The following HSD17B4 variants were observed in gnomAD, a reference collection of about 807,000 sequenced individuals.
HSD17B4 encodes the protein hydroxysteroid 17-beta dehydrogenase 4, also known as peroxisomal multifunctional enzyme type 2.
Under a neutral mutation model 101.0 loss-of-function variants are expected in HSD17B4, and 70 were observed. That is an observed-to-expected ratio of 0.69 (90% confidence interval 0.57 to 0.85). HSD17B4 has a LOEUF of 0.85. Among genes scored for constraint, HSD17B4 ranks in the 40% least tolerant of loss-of-function variants. The probability of loss-of-function intolerance (pLI) is 0.00; values close to 1 mark genes in which losing one functional copy is unlikely to be tolerated. For missense variants in HSD17B4, 984 were observed against 892.4 expected (o/e 1.10, Z -1.31); for synonymous variants, 347 against 297.1 (o/e 1.17, Z -1.73).
At chr5:119,526,983 T>A (rs1256783379) in intron 19 of HSD17B4, 150 bp from the exon 20 acceptor site, 1 of 618,132 alleles carries the variant, frequency 1.6e-6, no homozygotes, top group Non-Finnish European at 2.9e-6. Flanking sequence ...TTTTATCATA[T>A]TATACTTAGG....
chr5:119,456,015 CCTT>C (rs1161959402), intron 1 of HSD17B4, among the ~76,000 whole-genome samples: 1 of 152,146 alleles, frequency 6.6e-6, no homozygotes, highest in African/African-American at 2.4e-5. Flanking sequence ...CTCACTTACA[CCTT>C]CTAAGTTTTA....
At chr5:119,486,118 A>G (rs1368905327) in intron 8 of HSD17B4, among the ~76,000 whole-genome samples, 6 of 152,118 alleles carry the variant, frequency 3.9e-5, no homozygotes, top group African/African-American at 1.4e-4. Flanking sequence ...TTTCCATAGG[A>G]CTGCTCTTGA....
At chr5:119,531,192 C>A in intron 21 of HSD17B4, 74 bp from the exon 22 acceptor site, 1 of 1,470,292 alleles carries the variant, frequency 6.8e-7, no homozygotes, top group Non-Finnish European at 9.5e-7. Flanking sequence ...TTTTTTTGCA[C>A]ATGTTTTATA....
chr5:119,530,577 G>T (rs1268126209), intron 21 of HSD17B4, among the ~76,000 whole-genome samples: 1 of 151,328 alleles, frequency 6.6e-6, no homozygotes, highest in African/African-American at 2.4e-5. Context: ...CTTAGAGCGG[G>T]CTCGGTGCCT....
intron 17 of HSD17B4, among the ~76,000 whole-genome samples, chr5:119,520,219 G>T (rs183237766): frequency 1.8e-4 from 27 of 151,310 alleles, no homozygotes; most frequent in East Asian, 1.9e-4. Flanking sequence ...TGATCTTTCT[G>T]CTACAAATGG....
chr5:119,463,076 A>G (rs114162973), intron 2 of HSD17B4, among the ~76,000 whole-genome samples: 2,122 of 152,296 alleles, frequency 0.014, 19 homozygotes, highest in Non-Finnish European at 0.025. Flanking sequence ...CAACTTATTT[A>G]GCTTCCACAT....
At chr5:119,508,102 C>T (rs1010468082) in intron 15 of HSD17B4, among the ~76,000 whole-genome samples, 1 of 151,152 alleles carries the variant, frequency 6.6e-6, no homozygotes, top group Admixed American at 6.6e-5. Flanking sequence ...CCTTCTCCTC[C>T]TTTTCCTCTT....
intron 11 of HSD17B4, among the ~76,000 whole-genome samples, chr5:119,495,420 T>A (rs1052812509): frequency 6.6e-6 from 1 of 152,204 alleles, no homozygotes; most frequent in Non-Finnish European, 1.5e-5. Context: ...CCAGAGCATC[T>A]CTTCTACTGT....
intron 17 of HSD17B4, among the ~76,000 whole-genome samples, chr5:119,520,210 G>A (rs1561481383): frequency 6.6e-6 from 1 of 151,766 alleles, no homozygotes; most frequent in African/African-American, 2.4e-5. Flanking sequence ...TTGACTGGGT[G>A]ATCTTTCTGC....
In HSD17B4 at chr5:119,493,747, G is replaced by A. The variant is rs544683778; in HGVS notation, c.740-71G>A. 30 of 1,362,698 alleles carry A rather than the reference G, an allele frequency of 2.2e-5. No homozygotes were observed. In the South Asian group the frequency reaches 3.3e-4, roughly 15 times the overall value. 84.4% of individuals were successfully genotyped at this position (1,362,698 alleles called of 1,614,324 possible). On this transcript the variant is annotated intron_variant, in intron 10 of 23. Transcript: ENST00000510025. ...ATTTCCTTTCTCTTTAAAAATGAAA[G>A]GGTTCTTATGCATCTTACTTTCTGT...
intron 8 of HSD17B4, among the ~76,000 whole-genome samples, chr5:119,483,571 T>G (rs1287912500): frequency 6.6e-6 from 1 of 152,172 alleles, no homozygotes; most frequent in Non-Finnish European, 1.5e-5. Flanking sequence ...CTTATTCATG[T>G]TCCATAATTT....
At chr5:119,499,705 T>G (rs1373363262) in intron 13 of HSD17B4, 152 bp downstream of exon 13, 3 of 439,914 alleles carry the variant, frequency 6.8e-6, no homozygotes. Context: ...TTGATTTTTC[T>G]TTTTAAGAAT....
Position 119,475,747 on chromosome 5 carries a change from T to C in HSD17B4, c.302+20T>C. On this transcript the variant is annotated intron_variant, in intron 5 of 23. Coordinates refer to ENST00000510025, the MANE Select transcript of HSD17B4 (RefSeq NM_000414.4). Reference sequence around the variant, plus strand: ...TGCTGGGTGAGTATTTCTTTTTCATTTTTAGTGATGTGTGTATAATTTTTT... The same window carrying C: ...TGCTGGGTGAGTATTTCTTTTTCATCTTTAGTGATGTGTGTATAATTTTTT... 6.3e-7 allele frequency: 1 copy of C among 1,591,292 alleles called. No homozygotes were observed. Among genetic ancestry groups the C allele is most frequent in the Middle Eastern group, 1.8e-4 (1 of 5,602 alleles).
At chr5:119,497,863 A>G (rs1356272610) in intron 12 of HSD17B4, among the ~76,000 whole-genome samples, 1 of 152,158 alleles carries the variant, frequency 6.6e-6, no homozygotes, top group Non-Finnish European at 1.5e-5. Flanking sequence ...TATGACAAGT[A>G]TCATTTTTTT....
chr5:119,514,896 A>C (rs1328499285), intron 16 of HSD17B4, 85 bp from the exon 17 acceptor site: 3 of 820,344 alleles, frequency 3.7e-6, no homozygotes, highest in African/African-American at 1.7e-5. Flanking sequence ...GTATTGAAAC[A>C]TGATTGTGTA....
intron 14 of HSD17B4, 133 bp from the exon 15 acceptor site, chr5:119,506,685 A>G (rs1279228248): frequency 5.6e-5 from 32 of 567,346 alleles, no homozygotes; most frequent in Non-Finnish European, 5.5e-5. Flanking sequence ...TCTGTTGTTC[A>G]GGAACACTAT....
chr5:119,540,185 C>G (rs1440477857), intron 23 of HSD17B4, among the ~76,000 whole-genome samples: 1 of 152,090 alleles, frequency 6.6e-6, no homozygotes, highest in East Asian at 1.9e-4. Flanking sequence ...TTGCATGGCA[C>G]TCCTAGGCCA....
intron 23 of HSD17B4, among the ~76,000 whole-genome samples, chr5:119,536,958 G>A (rs924003398): frequency 1.3e-5 from 2 of 152,100 alleles, no homozygotes; most frequent in African/African-American, 4.8e-5. Flanking sequence ...GGAAAATCAT[G>A]ATTAACAGAA....
intron 14 of HSD17B4, among the ~76,000 whole-genome samples, chr5:119,505,678 G>T (rs1316041005): frequency 2.0e-5 from 3 of 151,816 alleles, no homozygotes; most frequent in African/African-American, 7.3e-5. Flanking sequence ...GGTATAGAAT[G>T]ATATCATTGG....
Sources: allele counts gnomAD v4.1 joint callset (sites outside exome capture counted in the v4.1 genomes callset), GRCh38; gene constraint gnomAD v4.1.1; transcripts MANE v1.5; gene names NCBI Gene and HGNC (gene_info 2026-07-23, HGNC 2026-07-21).